Variants in ABLIM1 observed in about 807,000 individuals in gnomAD.
ABLIM1 encodes the protein actin binding LIM protein 1.
A neutral mutation model predicts 107.0 loss-of-function variants in ABLIM1; 40 were observed. The observed-to-expected ratio is 0.37, with a 90% CI of 0.29 to 0.49. The LOEUF is 0.49. Among genes scored for constraint, ABLIM1 ranks in the 20% least tolerant of loss-of-function variants. The pLI, the probability that ABLIM1 is intolerant of heterozygous loss-of-function variation, is 0.97. For synonymous variants in ABLIM1, 357 were observed against 357.3 expected, an observed-to-expected ratio of 1.00 and a Z score of 0.01; for missense variants, 857 against 1,008.5, an observed-to-expected ratio of 0.85 and a Z score of 2.04.
At chr10:114,470,799 T>A (rs928882806) in intron 10 of ABLIM1, among the ~76,000 whole-genome samples, 1 of 152,232 alleles carries the variant, frequency 6.6e-6, no homozygotes, top group Non-Finnish European at 1.5e-5. Flanking sequence ...GATTGAGGTA[T>A]ATAATTTCCC....
chr10:114,599,662 C>T (rs1483855272), intron 2 of ABLIM1, among the ~76,000 whole-genome samples: 1 of 151,950 alleles, frequency 6.6e-6, no homozygotes, highest in East Asian at 1.9e-4. Flanking sequence ...TGGCAGGTAC[C>T]TGTAATCCCA....
Position 114,536,234 on chromosome 10 carries a change from T to TC in ABLIM1, c.894+8770_894+8771insG, listed in dbSNP as rs1314513605. On this transcript the variant is annotated intron_variant, in intron 6 of 22. Coordinates refer to ENST00000533213, the MANE Select transcript of ABLIM1 (RefSeq NM_002313.7). ...CTTTTTCCTTCTTTCTTTGTTTTTTTTTTTTTTTTTTTTTTTTTTTTTTTT... is the reference window on the plus strand; with the variant it reads ...CTTTTTCCTTCTTTCTTTGTTTTTTTCTTTTTTTTTTTTTTTTTTTTTTTTT... Among the ~76,000 whole-genome samples, 4 of 7,676 alleles carry TC rather than the reference T, an allele frequency of 5.2e-4. 1 individual carries two copies. Among genetic ancestry groups the TC allele is most frequent in the African/African-American group, 7.0e-4 (3 of 4,302 alleles). The allele number at this position is 7,676 out of a possible 152,430, so 5.0% of individuals were successfully genotyped here. A position where few individuals can be genotyped will look rare whatever the true frequency, so the allele number is the denominator to read the frequency against.
At chr10:114,543,075 T>C (rs1274700077) in intron 6 of ABLIM1, among the ~76,000 whole-genome samples, 1 of 152,196 alleles carries the variant, frequency 6.6e-6, no homozygotes, top group Admixed American at 6.5e-5. Flanking sequence ...ACCACCATCA[T>C]TTTGTGCCCA....
chr10:114,485,287 C>A (rs199720341), intron 8 of ABLIM1: 17 of 1,601,148 alleles, frequency 1.1e-5, no homozygotes, highest in Non-Finnish European at 1.3e-5. Context: ...AGCCTAGACA[C>A]AATGCCAACC....
intron 1 of ABLIM1, among the ~76,000 whole-genome samples, chr10:114,695,593 C>T (rs1566248131): frequency 6.6e-6 from 1 of 152,154 alleles, no homozygotes; most frequent in Non-Finnish European, 1.5e-5. Flanking sequence ...AAAACTGAGA[C>T]ACAGAGAGCC....
intron 1 of ABLIM1, chr10:114,690,686 C>CT: frequency 5.9e-6 from 3 of 509,144 alleles, no homozygotes; most frequent in Non-Finnish European, 3.5e-6. Flanking sequence ...CTGCAAAAGC[C>CT]TATTTTTTTT....
chr10:114,716,626 A>G lies in ABLIM1; in HGVS notation c.-213+51435T>C, dbSNP rs1054412181. Among the ~76,000 whole-genome samples, 14 of 152,182 alleles carry G rather than the reference A, an allele frequency of 9.2e-5. No individual in the cohort carries two copies. In the South Asian group the frequency reaches 2.3e-3, roughly 25 times the overall value. ...AACACACATGCTAACTGTTAAGATC[A>G]GTACACTTTTCAAGTTAGAATCATC... On this transcript the variant is annotated intron_variant, in intron 1 of 15. Transcript: ENST00000651092.
At chr10:114,541,405 C>G (rs1320756479) in intron 6 of ABLIM1, among the ~76,000 whole-genome samples, 1 of 152,098 alleles carries the variant, frequency 6.6e-6, no homozygotes, top group African/African-American at 2.4e-5. Context: ...ACCCACAAAA[C>G]CCCAAGGTTC....
intron 6 of ABLIM1, among the ~76,000 whole-genome samples, chr10:114,517,673 C>A (rs2136288581): frequency 6.6e-6 from 1 of 152,270 alleles, no homozygotes; most frequent in Admixed American, 6.5e-5. Flanking sequence ...GTGTTCACAG[C>A]AGGACAAAAA....
At chr10:114,699,069 C>A in intron 1 of ABLIM1, among the ~76,000 whole-genome samples, 1 of 117,934 alleles carries the variant, frequency 8.5e-6, no homozygotes, top group Non-Finnish European at 1.6e-5. Flanking sequence ...CCTGGACGAT[C>A]TTAGTAATGC....
At chr10:114,627,413 T>G (rs1005419059) in intron 1 of ABLIM1, among the ~76,000 whole-genome samples, 1 of 152,080 alleles carries the variant, frequency 6.6e-6, no homozygotes, top group African/African-American at 2.4e-5. Flanking sequence ...TACATAATAT[T>G]AGTTATTTGT....
chr10:114,748,430 A>T (rs1407888565), intron 1 of ABLIM1, among the ~76,000 whole-genome samples: 2 of 152,128 alleles, frequency 1.3e-5, no homozygotes, highest in Non-Finnish European at 2.9e-5. Context: ...AGCCTGACAC[A>T]AAGACAACAA....
chr10:114,561,051 T>A (rs2069626397), intron 4 of ABLIM1, among the ~76,000 whole-genome samples: 1 of 152,250 alleles, frequency 6.6e-6, no homozygotes, highest in Non-Finnish European at 1.5e-5. Flanking sequence ...TATGTGAATT[T>A]CACCTCAATT....
chr10:114,601,175 A>G (rs1472308353), intron 2 of ABLIM1, among the ~76,000 whole-genome samples: 1 of 152,028 alleles, frequency 6.6e-6, no homozygotes, highest in Non-Finnish European at 1.5e-5. Flanking sequence ...GTATTAGGAC[A>G]AGCTACTTTG....
At chr10:114,636,804 G>T (rs80253906) in intron 1 of ABLIM1, among the ~76,000 whole-genome samples, 2 of 151,970 alleles carry the variant, frequency 1.3e-5, no homozygotes, top group South Asian at 2.1e-4. Flanking sequence ...AGGTTGAGGT[G>T]GATGGATCAC....
At chr10:114,688,442 T>C (rs1173040298), upstream of ABLIM1, among the ~76,000 whole-genome samples, 1 of 152,218 alleles carries the variant, frequency 6.6e-6, no homozygotes, top group Non-Finnish European at 1.5e-5. Context: ...CATATTCAAT[T>C]ATAAGCCCAA....
At chr10:114,543,790 C>A (rs2066979720) in intron 6 of ABLIM1, among the ~76,000 whole-genome samples, 1 of 152,224 alleles carries the variant, frequency 6.6e-6, no homozygotes, top group Admixed American at 6.5e-5. Flanking sequence ...ACTGACGTTT[C>A]TTATGTATCC....
At chr10:114,489,765 G>A (rs1031288509) in intron 7 of ABLIM1, among the ~76,000 whole-genome samples, 4 of 152,118 alleles carry the variant, frequency 2.6e-5, no homozygotes, top group Admixed American at 2.6e-4. Flanking sequence ...AATGTGACTC[G>A]GACAGAACAT....
At chr10:114,753,434 T>C (rs959109173) in intron 1 of ABLIM1, among the ~76,000 whole-genome samples, 2 of 152,218 alleles carry the variant, frequency 1.3e-5, no homozygotes, top group African/African-American at 4.8e-5. Flanking sequence ...CAGCATTGTC[T>C]ATAAAAACAA....
Sources: gnomAD v4.1 joint callset for allele counts (sites outside exome capture counted in the v4.1 genomes callset) on GRCh38, gnomAD v4.1.1 for gene constraint, MANE v1.5 for transcripts, NCBI Gene and HGNC (gene_info 2026-07-23, HGNC 2026-07-21) for gene names.